STK33: variants seen among roughly 807,000 people sequenced by gnomAD.
STK33 encodes serine/threonine-protein kinase 33.
In STK33, 52 loss-of-function variants were observed where a neutral mutation model predicts 58.0. That is an observed-to-expected ratio of 0.90 (90% CI 0.72 to 1.13). The LOEUF is 1.13. Ranked by LOEUF, STK33 falls within the 50% of genes most tolerant of loss-of-function variation. The pLI is 0.00. For missense variants in STK33, 630 were observed against 604.2 expected, an observed-to-expected ratio of 1.04 and a Z score of -0.45; for synonymous variants, 215 against 200.1, an observed-to-expected ratio of 1.07 and a Z score of -0.63.
chr11:8,449,401 C>A lies in STK33; in HGVS notation c.871+3421G>T, dbSNP rs1012023918. On this transcript the variant is annotated intron_variant, in intron 11 of 15. Transcript: ENST00000687296. ...ACCAACCCAAATGTCCAACAATGATCAACTGGATTAAGAAAATGTGGCACA... is the reference window on the plus strand; with the variant it reads ...ACCAACCCAAATGTCCAACAATGATAAACTGGATTAAGAAAATGTGGCACA... Among the ~76,000 whole-genome samples the A allele has an allele frequency of 5.9e-5, 9 of 151,602 alleles. 2 individuals are homozygous for A. Among genetic ancestry groups the A allele is most frequent in the South Asian group, 2.1e-4 (1 of 4,816 alleles).
intron 14 of STK33, 34 bp from the exon 15 acceptor site, chr11:8,413,726 C>A: frequency 6.3e-7 from 1 of 1,589,466 alleles, no homozygotes; most frequent in Non-Finnish European, 8.6e-7. Context: ...GTGTTATAAA[C>A]AACTTAGAGA....
At chr11:8,410,153 T>A (rs1216240034) in intron 15 of STK33, among the ~76,000 whole-genome samples, 1 of 152,178 alleles carries the variant, frequency 6.6e-6, no homozygotes, top group Admixed American at 6.5e-5. Flanking sequence ...AAAAGAAAAT[T>A]TTTATCCCAC....
At chr11:8,567,693 G>C (rs1957542390) in intron 1 of STK33, among the ~76,000 whole-genome samples, 1 of 152,050 alleles carries the variant, frequency 6.6e-6, no homozygotes, top group South Asian at 2.1e-4. Context: ...TCCCAATATG[G>C]GCATGATGAA....
chr11:8,399,326 C>T (rs1167202300), intron 15 of STK33, among the ~76,000 whole-genome samples: 3 of 152,166 alleles, frequency 2.0e-5, no homozygotes, highest in South Asian at 4.1e-4. Context: ...CTCAAAACCG[C>T]TCAACTACAT....
At position 8,473,282 on chromosome 11, in the gene STK33, A is replaced by G; in HGVS notation, c.226-6T>C. The G allele has an allele frequency of 6.5e-7, 1 of 1,544,354 alleles. No individual in the cohort carries two copies. Among genetic ancestry groups the G allele is most frequent in the Non-Finnish European group, 8.8e-7 (1 of 1,137,326 alleles). ...ACATTTGAGGTTCTTGAGGGCTGGG[A>G]CCAAAAAAAAAATTAAAAAAAAAAA... is the stretch of plus-strand genomic sequence containing the variant. On this transcript the variant is annotated splice_polypyrimidine_tract_variant and splice_region_variant and intron_variant, in intron 5 of 15. Coordinates refer to ENST00000687296, the MANE Select transcript of STK33 (RefSeq NM_001352389.2).
chr11:8,561,319 T>C (rs956562222), intron 1 of STK33, among the ~76,000 whole-genome samples: 4 of 152,184 alleles, frequency 2.6e-5, no homozygotes, highest in African/African-American at 9.6e-5. Context: ...GGTCACACTA[T>C]TCCCTGCCTA....
At chr11:8,575,095 A>C (rs1452903274) in intron 1 of STK33, among the ~76,000 whole-genome samples, 2 of 152,190 alleles carry the variant, frequency 1.3e-5, no homozygotes, top group Non-Finnish European at 2.9e-5. Flanking sequence ...TTTTTGTGAA[A>C]ATGACAAGTG....
intron 6 of STK33, among the ~76,000 whole-genome samples, chr11:8,470,741 G>T (rs1281293163): frequency 6.6e-6 from 1 of 152,126 alleles, no homozygotes; most frequent in African/African-American, 2.4e-5. Context: ...GGGCCAAGGA[G>T]AGGGAGAGAG....
chr11:8,517,833 G>C (rs1952953303), intron 1 of STK33, among the ~76,000 whole-genome samples: 1 of 152,132 alleles, frequency 6.6e-6, no homozygotes, highest in African/African-American at 2.4e-5. Flanking sequence ...AGAAATATGG[G>C]ACTAGGTGAA....
the STK33 span, among the ~76,000 whole-genome samples, chr11:8,339,145 CA>C: frequency 1.3e-5 from 2 of 151,672 alleles, no homozygotes; most frequent in African/African-American, 2.4e-5. Flanking sequence ...TGTGGGAAGA[CA>C]AAAAAAATTC....
At chr11:8,354,135 G>A in the STK33 span, among the ~76,000 whole-genome samples, 2 of 152,066 alleles carry the variant, frequency 1.3e-5, no homozygotes, top group Non-Finnish European at 2.9e-5. Flanking sequence ...CCGCCAAGAT[G>A]AGAACACTAT....
intron 14 of STK33, among the ~76,000 whole-genome samples, chr11:8,432,704 A>G (rs1943564566): frequency 6.6e-6 from 1 of 152,214 alleles, no homozygotes; most frequent in Non-Finnish European, 1.5e-5. Flanking sequence ...GGGCGCTGAG[A>G]GAACTACATA....
intron 1 of STK33, among the ~76,000 whole-genome samples, chr11:8,484,227 T>G (rs1950046957): frequency 6.6e-6 from 1 of 152,234 alleles, no homozygotes; most frequent in African/African-American, 2.4e-5. Flanking sequence ...TATATCTGAA[T>G]GGCAGATTTG....
At chr11:8,562,427 T>C (rs1471696570) in intron 1 of STK33, among the ~76,000 whole-genome samples, 1 of 152,168 alleles carries the variant, frequency 6.6e-6, no homozygotes, top group Non-Finnish European at 1.5e-5. Flanking sequence ...CCATGGCGTG[T>C]CCCAACACGA....
At chr11:8,571,706 G>A (rs1452218899) in intron 1 of STK33, among the ~76,000 whole-genome samples, 1 of 151,660 alleles carries the variant, frequency 6.6e-6, no homozygotes, top group African/African-American at 2.4e-5. Context: ...GGTGGCGGGT[G>A]CCTGTAGTCC....
At chr11:8,418,083 T>C (rs1273746018) in intron 14 of STK33, among the ~76,000 whole-genome samples, 1 of 150,420 alleles carries the variant, frequency 6.6e-6, no homozygotes, top group Non-Finnish European at 1.5e-5. Context: ...TGCTGGCTTT[T>C]CATTTTTTTT....
chr11:8,551,724 A>G (rs983926485), intron 1 of STK33, among the ~76,000 whole-genome samples: 9 of 152,194 alleles, frequency 5.9e-5, no homozygotes, highest in African/African-American at 2.2e-4. Context: ...ACTTTACCCC[A>G]GAACTATATT....
intron 6 of STK33, chr11:8,465,494 C>CA (rs1484268969): frequency 3.3e-5 from 5 of 152,214 alleles, no homozygotes; most frequent in African/African-American, 9.6e-5. Context: ...TTGCCAACAT[C>CA]ACCATTTTGG....
the STK33 span, among the ~76,000 whole-genome samples, chr11:8,343,229 G>A: frequency 6.6e-6 from 1 of 152,252 alleles, no homozygotes; most frequent in African/African-American, 2.4e-5. Context: ...GCAGCAGTGT[G>A]TGCTGTGCCC....
Sources: gnomAD v4.1 joint callset for allele counts (sites outside exome capture counted in the v4.1 genomes callset) on GRCh38, gnomAD v4.1.1 for gene constraint, MANE v1.5 for transcripts, NCBI Gene and HGNC (gene_info 2026-07-23, HGNC 2026-07-21) for gene names.